Variants in ATF7IP observed in about 807,000 individuals in gnomAD.
ATF7IP encodes the protein activating transcription factor 7-interacting protein 1.
In ATF7IP, 23 loss-of-function variants were observed where a neutral mutation model predicts 106.4. That is an observed-to-expected ratio of 0.22 (90% confidence interval 0.16 to 0.31). The LOEUF (loss-of-function observed/expected upper bound fraction) is 0.31. ATF7IP is among the 10% of genes least tolerant of loss of function. The pLI is 1.00. For missense variants in ATF7IP, 1,334 were observed against 1,524.3 expected (o/e 0.88, Z 2.08); for synonymous variants, 542 against 539.0 (o/e 1.01, Z -0.08).
chr12:14,494,764 C>T (rs985507450), intron 13 of ATF7IP, among the ~76,000 whole-genome samples: 2 of 151,316 alleles, frequency 1.3e-5, no homozygotes, highest in South Asian at 2.1e-4. Context: ...GAAACCTCAT[C>T]CCTACCAAAA....
At chr12:14,413,027 A>G (rs991307689) in intron 1 of ATF7IP, among the ~76,000 whole-genome samples, 4 of 152,200 alleles carry the variant, frequency 2.6e-5, no homozygotes, top group South Asian at 4.1e-4. Context: ...AAACAAACAA[A>G]AAGTTGTTTG....
At chr12:14,441,173 A>T (rs1237059732) in intron 5 of ATF7IP, among the ~76,000 whole-genome samples, 1 of 152,182 alleles carries the variant, frequency 6.6e-6, no homozygotes, top group Non-Finnish European at 1.5e-5. Flanking sequence ...CACAGTGGCT[A>T]TACCATTTTC....
At chr12:14,404,981 A>G (rs1331620119) in intron 1 of ATF7IP, among the ~76,000 whole-genome samples, 3 of 152,236 alleles carry the variant, frequency 2.0e-5, no homozygotes, top group Admixed American at 6.5e-5. Flanking sequence ...TTCTTAAAAT[A>G]TATTAAACTT....
intron 10 of ATF7IP, among the ~76,000 whole-genome samples, chr12:14,472,415 G>C (rs1481517372): frequency 6.6e-6 from 1 of 152,146 alleles, no homozygotes; most frequent in African/African-American, 2.4e-5. Context: ...AGCACCAAGT[G>C]AATATTCTGT....
At position 14,438,283 on chromosome 12, in the gene ATF7IP, T is replaced by C. The variant is rs1942509040; in HGVS notation, c.1929+16T>C. 6.2e-7 allele frequency: 1 copy of C among 1,604,380 alleles called. No individual in the cohort carries two copies. Among genetic ancestry groups the C allele is most frequent in the Non-Finnish European group, 8.5e-7 (1 of 1,173,888 alleles). On this transcript the variant is annotated intron_variant, in intron 5 of 14. Transcript: ENST00000261168. The stretch of plus-strand genomic sequence containing the variant: ...TGAACTACAGGTTTGTACATTGACT[T>C]GAGTTGTATACTCCATGTGTCATTG...
rs556878116 is a variant in ATF7IP at position 14,407,358 on chromosome 12, GT to G, written c.-7-16541del. On this transcript the variant is annotated intron_variant, in intron 1 of 14. Transcript: ENST00000261168. Reference sequence around the variant, plus strand: ...TAATTTAAATTCTTGAAATTAAAAGGTTTTTTTTTTCTTTTTGTTTTCTCTT... The same window carrying G: ...TAATTTAAATTCTTGAAATTAAAAGGTTTTTTTTTCTTTTTGTTTTCTCTT... 1.6e-3 allele frequency among the ~76,000 whole-genome samples: 239 copies of G among 147,390 alleles called. 6 individuals are homozygous for G. The South Asian group carries it at 0.045, about 28-fold the overall frequency.
At chr12:14,407,255 A>G (rs1276887506) in intron 1 of ATF7IP, among the ~76,000 whole-genome samples, 4 of 152,218 alleles carry the variant, frequency 2.6e-5, no homozygotes, top group African/African-American at 7.2e-5. Flanking sequence ...TAAGAAATGC[A>G]TAGAACAAGT....
chr12:14,483,088 A>G (rs112731443), intron 13 of ATF7IP, among the ~76,000 whole-genome samples: 6,653 of 152,312 alleles, frequency 0.044, 188 homozygotes, highest in Non-Finnish European at 0.063. Flanking sequence ...TGAGTTGGCA[A>G]CTGGTCACAT....
rs545200266 is a variant in ATF7IP at position 14,465,690 on chromosome 12, CAG to C, written c.2798-834_2798-833del. On this transcript the variant is annotated intron_variant, in intron 9 of 14. Transcript: ENST00000261168. ...AACCCAACTTGATTTTTTAGACATACAGACTTATATATATACATATGGGAATA... is the reference window on the plus strand; with the variant it reads ...AACCCAACTTGATTTTTTAGACATACACTTATATATATACATATGGGAATA... Among the ~76,000 whole-genome samples, 397 of 152,130 alleles carry C rather than the reference CAG, an allele frequency of 2.6e-3. 1 individual carries two copies. Among genetic ancestry groups the C allele is most frequent in the African/African-American group, 9.2e-3 (383 of 41,526 alleles).
chr12:14,453,534 A>G (rs1249379503), intron 6 of ATF7IP, among the ~76,000 whole-genome samples: 2 of 151,152 alleles, frequency 1.3e-5, no homozygotes, highest in African/African-American at 4.9e-5. Context: ...ACGTTTTTAC[A>G]GTTTCTCTTT....
intron 9 of ATF7IP, among the ~76,000 whole-genome samples, chr12:14,464,715 G>T (rs1215161998): frequency 6.6e-6 from 1 of 152,178 alleles, no homozygotes; most frequent in African/African-American, 2.4e-5. Context: ...GAAAAAATCT[G>T]TAATAACGGG....
intron 6 of ATF7IP, 37 bp from the exon 7 acceptor site, chr12:14,456,524 A>G (rs757963106): frequency 1.4e-6 from 2 of 1,461,498 alleles, no homozygotes; most frequent in Admixed American, 1.7e-5. Context: ...CTGTGTGTTG[A>G]GTTTTATTTT....
chr12:14,426,305 C>T (rs1941844436), intron 2 of ATF7IP, among the ~76,000 whole-genome samples: 1 of 151,982 alleles, frequency 6.6e-6, no homozygotes, highest in South Asian at 2.1e-4. Flanking sequence ...CTTTCTAAGC[C>T]TGTGGAAGAC....
intron 2 of ATF7IP, among the ~76,000 whole-genome samples, chr12:14,433,437 G>A (rs1293781344): frequency 6.6e-6 from 1 of 152,132 alleles, no homozygotes; most frequent in Non-Finnish European, 1.5e-5. Flanking sequence ...CCTGGGAAGT[G>A]GAGGTTGCAG....
chr12:14,474,359 A>C (rs1944174092), intron 10 of ATF7IP, among the ~76,000 whole-genome samples: 1 of 146,850 alleles, frequency 6.8e-6, no homozygotes, highest in South Asian at 2.1e-4. Context: ...CTCTTTTGAA[A>C]TTTCCTGTTT....
chr12:14,465,724 T>C (rs1222113936), intron 9 of ATF7IP, among the ~76,000 whole-genome samples: 3 of 151,986 alleles, frequency 2.0e-5, no homozygotes, highest in Non-Finnish European at 4.4e-5. Flanking sequence ...AATACATAGG[T>C]AGTTTAACTT....
chr12:14,434,973 A>G (rs1350594789), intron 3 of ATF7IP, among the ~76,000 whole-genome samples: 3 of 152,108 alleles, frequency 2.0e-5, no homozygotes, highest in African/African-American at 7.2e-5. Flanking sequence ...CTGTAGTCCC[A>G]GCTACTTTGG....
intron 1 of ATF7IP, among the ~76,000 whole-genome samples, chr12:14,411,339 G>A (rs1030629485): frequency 2.0e-5 from 3 of 151,992 alleles, no homozygotes; most frequent in African/African-American, 7.2e-5. Context: ...TTATCTCATT[G>A]TGGTTTTGAC....
intron 1 of ATF7IP, 133 bp downstream of exon 1, chr12:14,365,960 G>C (rs1172031590): frequency 6.6e-6 from 1 of 152,356 alleles, no homozygotes; most frequent in Non-Finnish European, 1.5e-5. Flanking sequence ...GCTGCGGGCG[G>C]CGCTGCATGG....
Sources: gnomAD v4.1 joint callset for allele counts (sites outside exome capture counted in the v4.1 genomes callset) on GRCh38, gnomAD v4.1.1 for gene constraint, MANE v1.5 for transcripts, NCBI Gene and HGNC (gene_info 2026-07-23, HGNC 2026-07-21) for gene names.